The following IQCH variants were observed in gnomAD, a reference collection of about 807,000 sequenced individuals.
The protein encoded by IQCH is IQ motif containing H.
A neutral mutation model predicts 117.0 loss-of-function variants in IQCH; 98 were observed. That is an observed-to-expected ratio of 0.84 (90% CI 0.71 to 0.99). The LOEUF (loss-of-function observed/expected upper bound fraction) is 0.99, where lower values mean the gene tolerates loss of function less well. Ranked by LOEUF, IQCH falls within the 50% of genes least tolerant of loss-of-function variation. The pLI is 0.00. For missense variants in IQCH, 1,102 were observed against 1,243.8 expected, an observed-to-expected ratio of 0.89 and a Z score of 1.72; for synonymous variants, 412 against 448.2, an observed-to-expected ratio of 0.92 and a Z score of 1.02.
chr15:67,481,923 G>A lies in IQCH; in HGVS notation c.2799+6105G>A, dbSNP rs1055046260. 1.3e-5 allele frequency among the ~76,000 whole-genome samples: 2 copies of A among 152,206 alleles called. No individual in the cohort carries two copies. Among genetic ancestry groups the A allele is most frequent in the Admixed American group, 1.3e-4 (2 of 15,276 alleles). On this transcript the variant is annotated intron_variant, in intron 18 of 20. Coordinates refer to ENST00000335894, the MANE Select transcript of IQCH (RefSeq NM_001031715.3). The surrounding 1 kb of genome is among the most constrained non-coding windows in gnomAD (Gnocchi z 4.1). ...TCAACTATCTACAGGCAGGAAGTGGGTGAGAAAGTTTTAAAATTGCTAAGG... is the reference window on the plus strand; with the variant it reads ...TCAACTATCTACAGGCAGGAAGTGGATGAGAAAGTTTTAAAATTGCTAAGG...
chr15:67,340,426 C>CAAAAAAAAAAAAAAAAAAAAAA (rs57244130), intron 5 of IQCH, among the ~76,000 whole-genome samples: 12 of 62,658 alleles, frequency 1.9e-4, no homozygotes, highest in African/African-American at 2.6e-4. Context: ...TACTCCATCT[C>CAAAAAAAAAAAAAAAAAAAAAA]AAAAAAAAAA....
intron 3 of IQCH, among the ~76,000 whole-genome samples, chr15:67,266,453 A>G (rs147622497): frequency 0.013 from 2,040 of 152,142 alleles, 39 homozygotes; most frequent in African/African-American, 0.042. Context: ...TCAGGAGATC[A>G]AGACCATCCT....
rs1970911721 is a variant in IQCH, at chr15:67,381,047, T to C, written c.1373-3889T>C. Among the ~76,000 whole-genome samples, 1 of 152,210 alleles carries C rather than the reference T, an allele frequency of 6.6e-6. No homozygotes were observed. Among genetic ancestry groups the C allele is most frequent in the African/African-American group, 2.4e-5 (1 of 41,456 alleles). On this transcript the variant is annotated intron_variant, in intron 10 of 20. Transcript: ENST00000335894. The surrounding 1 kb of genome is among the most constrained non-coding windows in gnomAD (Gnocchi z 5.1). ...GAGTTTTCAAGAACGTGTGATCTGC[T>C]GCAACAACAGGGGCCTGTCACAGAG...
At chr15:67,255,543 C>A (rs1434018838) in intron 1 of IQCH, among the ~76,000 whole-genome samples, 6 of 152,226 alleles carry the variant, frequency 3.9e-5, no homozygotes, top group African/African-American at 7.2e-5. Flanking sequence ...GTAATAGTTG[C>A]ACTCAGATGT....
At chr15:67,451,960 T>C (rs1354099453) in intron 16 of IQCH, among the ~76,000 whole-genome samples, 1 of 152,238 alleles carries the variant, frequency 6.6e-6, no homozygotes, top group Admixed American at 6.5e-5. Flanking sequence ...GTTGAATTGA[T>C]CCCTTTACCA....
chr15:67,319,752 C>G (rs1430764416), intron 4 of IQCH, among the ~76,000 whole-genome samples: 1 of 152,196 alleles, frequency 6.6e-6, no homozygotes, highest in African/African-American at 2.4e-5. Context: ...CTCCCAATTT[C>G]CGAGTCATAT....
chr15:67,336,768 G>T (rs1167828530), intron 4 of IQCH, among the ~76,000 whole-genome samples: 3 of 152,060 alleles, frequency 2.0e-5, no homozygotes, highest in Admixed American at 2.0e-4. Context: ...TTGTTAATTG[G>T]ATTTAATTAA....
At chr15:67,311,336 A>C (rs1967585708) in intron 4 of IQCH, among the ~76,000 whole-genome samples, 1 of 151,998 alleles carries the variant, frequency 6.6e-6, no homozygotes, top group Non-Finnish European at 1.5e-5. Flanking sequence ...AACTACCATA[A>C]CAAATTGTTA....
Position 67,401,520 on chromosome 15 carries a change from C to T in IQCH, c.2097+1215C>T, listed in dbSNP as rs767491937. Among the ~76,000 whole-genome samples, 30 of 151,016 alleles carry T rather than the reference C, an allele frequency of 2.0e-4. No individual in the cohort carries two copies. Among genetic ancestry groups the T allele is most frequent in the Non-Finnish European group, 2.8e-4 (19 of 67,714 alleles). On this transcript the variant is annotated intron_variant, in intron 14 of 20. Transcript: ENST00000335894. The surrounding 1 kb of genome is among the most constrained non-coding windows in gnomAD (Gnocchi z 4.7). ...TGCGTCTGCTTTGAGCATCCCGCTA[C>T]GGAAGTATATGAATCAAGACACAAG...
intron 4 of IQCH, among the ~76,000 whole-genome samples, chr15:67,306,170 CATTTTGGATTTAT>C (rs1223867845): frequency 6.6e-6 from 1 of 151,896 alleles, no homozygotes; most frequent in African/African-American, 2.4e-5. Context: ...ACAGTATTTT[CATTTTGGATTTAT>C]AAAACAGAAG....
At position 67,496,698 on chromosome 15, in the gene IQCH, G is replaced by A. The variant is rs921703977; in HGVS notation, c.2970+2332G>A. Among the ~76,000 whole-genome samples the A allele has an allele frequency of 6.6e-6, 1 of 152,042 alleles. No individual in the cohort carries two copies. Among genetic ancestry groups the A allele is most frequent in the Non-Finnish European group, 1.5e-5 (1 of 67,990 alleles). On this transcript the variant is annotated intron_variant, in intron 20 of 20. Transcript: ENST00000335894. This position sits in a 1 kb window ranked among gnomAD's most constrained non-coding sequence, Gnocchi z 4.4. ...CATCTCTACTAAGAAGAAGAAGAAG[G>A]AGAAGGAGAAAAGAAGAAGAAATAA...
intron 16 of IQCH, among the ~76,000 whole-genome samples, chr15:67,437,522 A>G (rs534785731): frequency 2.8e-4 from 43 of 152,264 alleles, no homozygotes; most frequent in African/African-American, 1.0e-3. Context: ...AAAAAATCAC[A>G]CTAGTTCACC....
chr15:67,450,849 G>A (rs2082506076), intron 16 of IQCH, among the ~76,000 whole-genome samples: 1 of 152,188 alleles, frequency 6.6e-6, no homozygotes. Flanking sequence ...AATCCATCTG[G>A]TCCTGGACTT....
At chr15:67,347,575 G>A (rs1245603320) in intron 6 of IQCH, among the ~76,000 whole-genome samples, 1 of 151,592 alleles carries the variant, frequency 6.6e-6, no homozygotes, top group Non-Finnish European at 1.5e-5. Flanking sequence ...TGGCATCACT[G>A]GTGAATTCTA....
At chr15:67,483,353 C>T (rs2083388138) in intron 18 of IQCH, among the ~76,000 whole-genome samples, 2 of 152,166 alleles carry the variant, frequency 1.3e-5, no homozygotes, top group African/African-American at 2.4e-5. Context: ...CCCATCTCTA[C>T]TAAAAATACA....
chr15:67,364,429 A>C lies in IQCH; in HGVS notation c.753+4544A>C, dbSNP rs1479386933. On this transcript the variant is annotated intron_variant, in intron 8 of 20. Coordinates refer to ENST00000335894, the MANE Select transcript of IQCH (RefSeq NM_001031715.3). This position sits in a 1 kb window ranked among gnomAD's most constrained non-coding sequence, Gnocchi z 4.1. The stretch of plus-strand genomic sequence containing the variant: ...TTATTTGCCAAACAATTTTTTTGAA[A>C]TTCTTGTGGAACAATTTTTCTTGTA... 6.6e-6 allele frequency among the ~76,000 whole-genome samples: 1 copy of C among 152,168 alleles called. No individual in the cohort carries two copies. Among genetic ancestry groups the C allele is most frequent in the Non-Finnish European group, 1.5e-5 (1 of 68,012 alleles).
At chr15:67,301,297 G>C (rs1236876333) in intron 4 of IQCH, among the ~76,000 whole-genome samples, 1 of 150,828 alleles carries the variant, frequency 6.6e-6, no homozygotes, top group Non-Finnish European at 1.5e-5. Flanking sequence ...ATACAGCTAT[G>C]CTTATAAGTA....
In IQCH at chr15:67,359,792, A is replaced by G. The variant is rs921019519; in HGVS notation, c.715-55A>G. The G allele has an allele frequency of 4.0e-6, 6 of 1,484,218 alleles. No homozygotes were observed. The highest frequency in any genetic ancestry group is 4.7e-6 in the Non-Finnish European group (5 of 1,061,506). The allele number at this position is 1,484,218 out of a possible 1,614,324, so 91.9% of individuals were successfully genotyped here. A position where few individuals can be genotyped will look rare whatever the true frequency, so the allele number is the denominator to read the frequency against. ...GCTCTGAGCCTTCTATTTGTTTTGT[A>G]AAATTGCCCATGAGAGTCGTTTTGA... On this transcript the variant is annotated intron_variant, in intron 7 of 20. Transcript: ENST00000335894. This position sits in a 1 kb window ranked among gnomAD's most constrained non-coding sequence, Gnocchi z 4.5.
rs1007710279 is a variant in IQCH at position 67,391,793 on chromosome 15, C to T, written c.1632+2787C>T. The stretch of plus-strand genomic sequence containing the variant: ...ATCTTTATTAAACACATATTGAACA[C>T]AATACTGTGGCAGCATCTTGCCTGG... On this transcript the variant is annotated intron_variant, in intron 12 of 20. Transcript: ENST00000335894. This position sits in a 1 kb window ranked among gnomAD's most constrained non-coding sequence, Gnocchi z 4.3. Among the ~76,000 whole-genome samples the T allele has an allele frequency of 6.6e-6, 1 of 152,204 alleles. No homozygotes were observed. The highest frequency in any genetic ancestry group is 6.5e-5 in the Admixed American group (1 of 15,280).
Sources: allele counts gnomAD v4.1 joint callset (sites outside exome capture counted in the v4.1 genomes callset), GRCh38; gene constraint gnomAD v4.1.1; non-coding constraint Gnocchi (gnomAD v3.1); transcripts MANE v1.5; gene names NCBI Gene and HGNC (gene_info 2026-07-23, HGNC 2026-07-21).